DHRS9: variants seen among roughly 807,000 people sequenced by gnomAD.
DHRS9 encodes dehydrogenase/reductase SDR family member 9.
A neutral mutation model predicts 26.6 loss-of-function variants in DHRS9; 18 were observed. The ratio of observed to expected loss-of-function variants is 0.68; its 90% CI spans 0.47 to 1.00. DHRS9 has a LOEUF of 1.00. DHRS9 is among the 50% of genes least tolerant of loss of function. DHRS9 has a pLI of 0.00. For synonymous variants in DHRS9, 134 were observed against 141.1 expected (o/e 0.95, Z 0.36); for missense variants, 425 against 378.7 (o/e 1.12, Z -1.01).
chr2:169,068,868 T>A (rs528661837), upstream of DHRS9, among the ~76,000 whole-genome samples: 1 of 152,252 alleles, frequency 6.6e-6, no homozygotes, highest in Non-Finnish European at 1.5e-5. Context: ...CAGGCTAGAT[T>A]AGCACCATCT....
intron 2 of DHRS9, among the ~76,000 whole-genome samples, chr2:169,082,263 C>T (rs1009875719): frequency 6.6e-6 from 1 of 152,192 alleles, no homozygotes; most frequent in African/African-American, 2.4e-5. Flanking sequence ...AAATTGCCAT[C>T]TGGATACCTG....
At position 169,088,735 on chromosome 2, in the gene DHRS9, G is replaced by T. The variant is rs115177368; in HGVS notation, c.573-3055G>T. Among the ~76,000 whole-genome samples, 1,034 of 152,236 alleles carry T rather than the reference G, an allele frequency of 6.8e-3. 9 individuals are homozygous for T. The highest frequency in any genetic ancestry group is 0.023 in the African/African-American group (948 of 41,540). On this transcript the variant is annotated intron_variant, in intron 3 of 4. Transcript: ENST00000674881. Reference sequence around the variant, plus strand: ...CAAGTTTAACTCCTTTTTACTTTTTGCCTTAATACATGATGCTCAGAGTGG... The same window carrying T: ...CAAGTTTAACTCCTTTTTACTTTTTTCCTTAATACATGATGCTCAGAGTGG...
chr2:169,071,073 A>C lies in DHRS9; in HGVS notation c.-60+1356A>C, dbSNP rs150966720. On this transcript the variant is annotated intron_variant, in intron 1 of 4. Transcript: ENST00000674881. ...AGCGAGACTCCGTCTCAAAAAAAAAAAACAACAACAACAAAAAACTCAGAC... is the reference window on the plus strand; with the variant it reads ...AGCGAGACTCCGTCTCAAAAAAAAACAACAACAACAACAAAAAACTCAGAC... Among the ~76,000 whole-genome samples, 1,463 of 151,740 alleles carry C rather than the reference A, an allele frequency of 9.6e-3. 10 individuals carry two copies. Among genetic ancestry groups the C allele is most frequent in the African/African-American group, 0.021 (888 of 41,434 alleles).
intron 1 of DHRS9, chr2:169,070,412 T>A (rs1683764103): frequency 2.0e-6 from 2 of 985,446 alleles, no homozygotes; most frequent in Non-Finnish European, 2.4e-6. Flanking sequence ...CTTCAATAAA[T>A]ACATTTTAAA....
intron 4 of DHRS9, among the ~76,000 whole-genome samples, chr2:169,093,104 T>G (rs1684585164): frequency 6.6e-6 from 1 of 152,156 alleles, no homozygotes; most frequent in Non-Finnish European, 1.5e-5. Flanking sequence ...TTGATATTCC[T>G]CAAGTACTCA....
At chr2:169,092,289 C>G (rs375341052) in intron 4 of DHRS9, among the ~76,000 whole-genome samples, 1 of 152,174 alleles carries the variant, frequency 6.6e-6, no homozygotes, top group Non-Finnish European at 1.5e-5. Context: ...TGGACCTGAG[C>G]CCAGGAAGGC....
intron 3 of DHRS9, among the ~76,000 whole-genome samples, chr2:169,089,698 T>C (rs1045390844): frequency 3.9e-5 from 6 of 152,224 alleles, no homozygotes; most frequent in African/African-American, 1.4e-4. Flanking sequence ...TTGATCAGGT[T>C]GCCAAGTTTG....
At chr2:169,074,199 A>G (rs1558949446) in intron 1 of DHRS9, 2 of 871,078 alleles carry the variant, frequency 2.3e-6, no homozygotes, top group Non-Finnish European at 2.8e-6. Context: ...AACGGCAGAC[A>G]TTAGGTCACT....
chr2:169,092,975 G>C (rs10171868), intron 4 of DHRS9, among the ~76,000 whole-genome samples: 49,315 of 151,920 alleles, frequency 0.32, 10,312 homozygotes, highest in African/African-American at 0.6. Context: ...CAGCCTGACC[G>C]TGCCATTTAT....
chr2:169,077,736 T>C (rs1225938835), intron 1 of DHRS9, among the ~76,000 whole-genome samples: 1 of 152,086 alleles, frequency 6.6e-6, no homozygotes, highest in Non-Finnish European at 1.5e-5. Flanking sequence ...AAATCATCCA[T>C]CCAACTGAAT....
chr2:169,079,067 T>A (rs1290985015), intron 1 of DHRS9, among the ~76,000 whole-genome samples: 1 of 152,102 alleles, frequency 6.6e-6, no homozygotes, highest in Admixed American at 6.6e-5. Flanking sequence ...CAGACTGGTC[T>A]CAAACTCCAG....
chr2:169,080,077 G>A (rs747210866), intron 1 of DHRS9, among the ~76,000 whole-genome samples: 2 of 150,992 alleles, frequency 1.3e-5, no homozygotes, highest in African/African-American at 2.4e-5. Context: ...CTATAAACTC[G>A]CTTGGCCTCT....
intron 1 of DHRS9, among the ~76,000 whole-genome samples, chr2:169,078,490 C>T (rs1476526087): frequency 2.6e-5 from 4 of 152,110 alleles, no homozygotes; most frequent in South Asian, 4.1e-4. Flanking sequence ...TTGAGCAAAA[C>T]GCTATATTAG....
chr2:169,083,089 CAG>C (rs1684241406), intron 2 of DHRS9, among the ~76,000 whole-genome samples: 1 of 152,308 alleles, frequency 6.6e-6, no homozygotes, highest in South Asian at 2.1e-4. Context: ...GACTCACTCA[CAG>C]AGTTTCAGTA....
chr2:169,080,873 T>C (rs1367930471), intron 1 of DHRS9, among the ~76,000 whole-genome samples: 1 of 152,182 alleles, frequency 6.6e-6, no homozygotes, highest in Non-Finnish European at 1.5e-5. Context: ...TTCCCATTTA[T>C]CTTGCCCTTT....
intron 3 of DHRS9, among the ~76,000 whole-genome samples, chr2:169,090,052 A>G (rs1684472766): frequency 6.6e-6 from 1 of 152,242 alleles, no homozygotes; most frequent in Non-Finnish European, 1.5e-5. Flanking sequence ...TTTGCCATGC[A>G]GGTATGCCAT....
At position 169,091,898 on chromosome 2, in the gene DHRS9, G is replaced by A; in HGVS notation, c.681G>A (p.Trp227Ter). Residue 227 changes from tryptophan (W) to a stop codon, truncating the protein, a stop_gained, in exon 4 of 5, where the codon TGG (tryptophan) becomes TGA (stop). Coordinates refer to ENST00000674881, the MANE Select transcript of DHRS9 (RefSeq NM_001376924.1). LOFTEE classifies it high-confidence loss of function. ...TAATTGAAAAAAAACTCGCCATTTG[G>A]GAGCAGCTGTCTCCAGACATCAAAC... is the stretch of plus-strand genomic sequence containing the variant. ...VKVIEKKLAI[W>*]EQLSPDIKQQ... The A allele has an allele frequency of 6.2e-7, 1 of 1,613,984 alleles. No homozygotes were observed.
chr2:169,087,778 T>A (rs780658071), intron 3 of DHRS9, among the ~76,000 whole-genome samples: 3 of 152,100 alleles, frequency 2.0e-5, no homozygotes, highest in Non-Finnish European at 2.9e-5. Flanking sequence ...AGTCTAGAAA[T>A]GTTGTCCAGG....
At chr2:169,091,251 T>C (rs1684514565) in intron 3 of DHRS9, among the ~76,000 whole-genome samples, 1 of 134,788 alleles carries the variant, frequency 7.4e-6, no homozygotes, top group Non-Finnish European at 1.6e-5. Flanking sequence ...TAAAATAAAA[T>C]AAAATAAAAT....
Sources: allele counts gnomAD v4.1 joint callset (sites outside exome capture counted in the v4.1 genomes callset), GRCh38; gene constraint gnomAD v4.1.1; transcripts MANE v1.5; gene names NCBI Gene and HGNC (gene_info 2026-07-23, HGNC 2026-07-21).